The following SGIP1 variants were observed in gnomAD, a reference collection of about 807,000 sequenced individuals.
The protein encoded by SGIP1 is SH3GL interacting endocytic adaptor 1, also known as SH3-containing GRB2-like protein 3-interacting protein 1.
In SGIP1, 38 loss-of-function variants were observed where a neutral mutation model predicts 107.5. The ratio of observed to expected loss-of-function variants is 0.35; its 90% CI spans 0.27 to 0.46. SGIP1 has a LOEUF of 0.46. Among genes scored for constraint, SGIP1 ranks in the 20% least tolerant of loss-of-function variants. The pLI, the probability that SGIP1 is intolerant of heterozygous loss-of-function variation, is 1.00. For missense variants in SGIP1, 929 were observed against 1,019.5 expected (o/e 0.91, Z 1.21); for synonymous variants, 365 against 366.1 (o/e 1.00, Z 0.03).
chr1:66,740,676 A>C lies in SGIP1; in HGVS notation c.2253A>C (p.Arg751Ser), dbSNP rs376559229. The stretch of plus-strand genomic sequence containing the variant: ...TTTTTAGGAATGCTGAACAACAGAG[A>C]ATATTGTGGAAGATTCCTGATATCT... ...PPAVWNAEQQ[R>S]ILWKIPDISQ... Residue 751 changes from arginine to serine, a missense_variant, in exon 23 of 25, where the codon AGA becomes AGC. Physicochemically the swap from Arg to Ser is moderately radical, Grantham distance 110. This residue lies in a region of SGIP1 where 341 missense variants were observed against 430.9 expected (regional missense o/e 0.79). Transcript: ENST00000371037. 6.2e-7 allele frequency: 1 copy of C among 1,607,802 alleles called. No individual in the cohort carries two copies. The highest frequency in any genetic ancestry group is 1.3e-5 in the African/African-American group (1 of 74,878).
At chr1:66,578,488 T>C (rs892821060) in intron 1 of SGIP1, among the ~76,000 whole-genome samples, 2 of 152,204 alleles carry the variant, frequency 1.3e-5, no homozygotes, top group Admixed American at 1.3e-4. Flanking sequence ...AAGGGAAATT[T>C]CACATAGCCC....
In SGIP1 at chr1:66,740,647, T is replaced by A; in HGVS notation, c.2235-11T>A. ...GGATATGCAAAAACCTTTTACCTAA[T>A]TTATTTTTAGGAATGCTGAACAACA... is the stretch of plus-strand genomic sequence containing the variant. On this transcript the variant is annotated splice_polypyrimidine_tract_variant and intron_variant, in intron 22 of 24. Coordinates refer to ENST00000371037, the MANE Select transcript of SGIP1 (RefSeq NM_032291.4). 6.3e-7 allele frequency: 1 copy of A among 1,588,734 alleles called. No homozygotes were observed. The highest frequency in any genetic ancestry group is 8.6e-7 in the Non-Finnish European group (1 of 1,162,210).
chr1:66,705,363 G>C (rs948906916), intron 18 of SGIP1, among the ~76,000 whole-genome samples: 1 of 152,154 alleles, frequency 6.6e-6, no homozygotes, highest in Non-Finnish European at 1.5e-5. Flanking sequence ...ATCTGATTCA[G>C]AGAATTGAAA....
chr1:66,660,671 C>T (rs2081291656), intron 8 of SGIP1, 147 bp downstream of exon 8: 1 of 781,490 alleles, frequency 1.3e-6, no homozygotes. Context: ...ATGACCAGGT[C>T]TCATTATGCC....
intron 1 of SGIP1, 26 bp from the exon 2 acceptor site, chr1:66,625,821 T>C (rs1245884950): frequency 6.2e-7 from 1 of 1,607,714 alleles, no homozygotes; most frequent in African/African-American, 1.3e-5. Flanking sequence ...TGAGAGAGTT[T>C]TTGACCCTTT....
chr1:66,618,459 A>G (rs2070029655), intron 1 of SGIP1, among the ~76,000 whole-genome samples: 1 of 152,256 alleles, frequency 6.6e-6, no homozygotes, highest in Admixed American at 6.5e-5. Context: ...TTTAACAAAC[A>G]TTGATGACAT....
At chr1:66,696,591 T>G (rs1421589960) in intron 18 of SGIP1, among the ~76,000 whole-genome samples, 2 of 152,218 alleles carry the variant, frequency 1.3e-5, no homozygotes, top group Non-Finnish European at 2.9e-5. Flanking sequence ...AAGATAGTCA[T>G]AGAGATAGAA....
In SGIP1 at chr1:66,560,194, T is replaced by A. The variant is rs2148431343; in HGVS notation, c.10+25826T>A. Among the ~76,000 whole-genome samples the A allele has an allele frequency of 1.3e-5, 2 of 152,212 alleles. 1 individual carries two copies. Among genetic ancestry groups the A allele is most frequent in the South Asian group, 4.1e-4 (2 of 4,822 alleles). The stretch of plus-strand genomic sequence containing the variant: ...CTGACCTCTAAATATTTAGTTTGAC[T>A]GTGCAAAAATAACCTTTACCGCAGC... On this transcript the variant is annotated intron_variant, in intron 1 of 24. Transcript: ENST00000371037.
intron 1 of SGIP1, among the ~76,000 whole-genome samples, chr1:66,591,080 G>A (rs887902583): frequency 4.6e-5 from 7 of 152,212 alleles, no homozygotes; most frequent in East Asian, 3.9e-4. Context: ...ACTTGACATC[G>A]TCTGTGTTCA....
chr1:66,548,277 T>C (rs1052788492), intron 1 of SGIP1, among the ~76,000 whole-genome samples: 1 of 152,116 alleles, frequency 6.6e-6, no homozygotes, highest in African/African-American at 2.4e-5. Context: ...AATCTGTGTT[T>C]GAGTAATAAA....
rs754089563 is a variant in SGIP1 at position 66,660,228 on chromosome 1, AGAGG to A, written c.460-264_460-261del. 269 of 228,988 alleles carry A rather than the reference AGAGG, an allele frequency of 1.2e-3. 9 individuals carry two copies. The highest frequency in any genetic ancestry group is 1.3e-3 in the Admixed American group (13 of 10,356). The allele number at this position is 228,988 out of a possible 1,614,324, so 14.2% of individuals were successfully genotyped here. ...GAAAGAAAGAAAGAGAAAGAAAGAA[AGAGG>A]GAGGGAGGGAGGGAGGGAGGAAGGA... On this transcript the variant is annotated intron_variant, in intron 7 of 24. Transcript: ENST00000371037.
intron 15 of SGIP1, among the ~76,000 whole-genome samples, chr1:66,685,196 C>G (rs74487066): frequency 1.3e-5 from 2 of 152,192 alleles, no homozygotes; most frequent in African/African-American, 4.8e-5. Context: ...TTTCTCGAAG[C>G]ATATTTAATT....
At chr1:66,592,008 A>G (rs1470539528) in intron 1 of SGIP1, among the ~76,000 whole-genome samples, 1 of 152,202 alleles carries the variant, frequency 6.6e-6, no homozygotes, top group Non-Finnish European at 1.5e-5. Flanking sequence ...AGTAAATAGA[A>G]TGCACGATGG....
At chr1:66,667,403 T>C (rs1156648770) in intron 8 of SGIP1, 127 bp from the exon 9 acceptor site, 1 of 879,922 alleles carries the variant, frequency 1.1e-6, no homozygotes, top group Non-Finnish European at 1.9e-6. Flanking sequence ...CTGTCTTCCT[T>C]TGGCCTGATT....
At chr1:66,626,201 G>T (rs2072720197) in intron 2 of SGIP1, 1 of 190,388 alleles carries the variant, frequency 5.3e-6, no homozygotes, top group African/African-American at 2.8e-5. Flanking sequence ...CAGAAAATGT[G>T]ACTGTTACTT....
At chr1:66,660,391 G>A in intron 7 of SGIP1, 122 bp from the exon 8 acceptor site, 1 of 861,220 alleles carries the variant, frequency 1.2e-6, no homozygotes, top group Non-Finnish European at 2.0e-6. Context: ...ATTTATAAAA[G>A]CAGTGCCTTC....
At chr1:66,667,186 C>A (rs547411383) in intron 8 of SGIP1, among the ~76,000 whole-genome samples, 7 of 152,202 alleles carry the variant, frequency 4.6e-5, no homozygotes, top group South Asian at 2.1e-4. Context: ...AGTACCCCCC[C>A]CCAAACTATC....
At chr1:66,572,364 T>G (rs1313819254) in intron 1 of SGIP1, among the ~76,000 whole-genome samples, 2 of 152,100 alleles carry the variant, frequency 1.3e-5, no homozygotes, top group African/African-American at 4.8e-5. Context: ...ATTTTTAGCA[T>G]AGCTGGGATT....
chr1:66,742,974 C>T, intron 24 of SGIP1, 99 bp from the exon 25 acceptor site: 3 of 1,196,864 alleles, frequency 2.5e-6, no homozygotes, highest in Non-Finnish European at 3.7e-6. Context: ...CAGTATCTGG[C>T]TCCTAGGGGT....
Sources: allele counts gnomAD v4.1 joint callset (sites outside exome capture counted in the v4.1 genomes callset), GRCh38; gene constraint gnomAD v4.1.1; regional missense constraint gnomAD v4.1.1; transcripts MANE v1.5; gene names NCBI Gene and HGNC (gene_info 2026-07-23, HGNC 2026-07-21).